DGLUCY: variants seen among roughly 807,000 people sequenced by gnomAD.
DGLUCY encodes D-glutamate cyclase.
In DGLUCY, 58 loss-of-function variants were observed where a neutral mutation model predicts 58.5. That is an observed-to-expected ratio of 0.99 (90% CI 0.80 to 1.23). DGLUCY has a LOEUF of 1.23. DGLUCY is among the 50% of genes most tolerant of loss of function. The pLI, the probability that DGLUCY is intolerant of heterozygous loss-of-function variation, is 0.00. For missense variants in DGLUCY, 779 were observed against 784.7 expected (o/e 0.99, Z 0.09); for synonymous variants, 325 against 314.1 (o/e 1.03, Z -0.37).
intron 1 of DGLUCY, among the ~76,000 whole-genome samples, chr14:91,074,102 A>AT (rs1482863344): frequency 1.3e-5 from 1 of 79,302 alleles, no homozygotes; most frequent in African/African-American, 4.4e-5. Flanking sequence ...CCAAAAAAAA[A>AT]AAATATATAT....
chr14:91,136,659 G>A (rs1168841742), intron 1 of DGLUCY, among the ~76,000 whole-genome samples: 2 of 150,866 alleles, frequency 1.3e-5, no homozygotes, highest in Non-Finnish European at 2.9e-5. Context: ...CTATAGCCTG[G>A]GTGACAGAGC....
At chr14:91,178,147 A>G (rs2048968585) in intron 7 of DGLUCY, among the ~76,000 whole-genome samples, 1 of 151,728 alleles carries the variant, frequency 6.6e-6, no homozygotes, top group South Asian at 2.1e-4. Context: ...AGAGAGGGAC[A>G]ATCTTGAATC....
chr14:91,173,255 C>T (rs2048671085), intron 5 of DGLUCY, 34 bp from the exon 6 acceptor site: 1 of 1,609,960 alleles, frequency 6.2e-7, no homozygotes, highest in Non-Finnish European at 8.5e-7. Context: ...CATTTTTTAA[C>T]ATTTTCACTT....
chr14:91,199,961 G>A, intron 11 of DGLUCY, 56 bp downstream of exon 11: 4 of 1,576,566 alleles, frequency 2.5e-6, no homozygotes, highest in Non-Finnish European at 3.5e-6. Flanking sequence ...AGTGTCTTTT[G>A]TTGTTGTTGT....
intron 7 of DGLUCY, among the ~76,000 whole-genome samples, chr14:91,179,675 C>T (rs567667823): frequency 1.3e-5 from 2 of 150,760 alleles, no homozygotes; most frequent in South Asian, 4.2e-4. Flanking sequence ...TTCTTGAACC[C>T]GGGAGGCAGA....
rs57428509 is a variant in DGLUCY at position 91,068,079 on chromosome 14, G to GCACACA, written c.-82+7407_-82+7412dup. On this transcript the variant is annotated intron_variant, in intron 1 of 4. Transcript: ENST00000521334. Reference sequence around the variant, plus strand: ...CGCGTGCACACACACACACGCGCACGCACACACACACACACACACACACAC... The same window carrying GCACACA: ...CGCGTGCACACACACACACGCGCACGCACACACACACACACACACACACACACACAC... Among the ~76,000 whole-genome samples, 1,455 of 146,376 alleles carry GCACACA rather than the reference G, an allele frequency of 9.9e-3. 21 individuals are homozygous for GCACACA. The highest frequency in any genetic ancestry group is 0.025 in the South Asian group (115 of 4,602).
intron 1 of DGLUCY, among the ~76,000 whole-genome samples, chr14:91,143,455 G>A (rs1394199741): frequency 6.6e-6 from 1 of 152,162 alleles, no homozygotes; most frequent in Non-Finnish European, 1.5e-5. Flanking sequence ...GGCTTGCTGA[G>A]CAGAGACAAG....
At chr14:91,114,914 C>G (rs1253390942) in intron 1 of DGLUCY, 1 of 152,314 alleles carries the variant, frequency 6.6e-6, no homozygotes, top group African/African-American at 2.4e-5. Context: ...CCTCTGGGAG[C>G]ATCAACACCA....
chr14:91,141,044 T>C (rs1328622152), intron 1 of DGLUCY, among the ~76,000 whole-genome samples: 1 of 152,116 alleles, frequency 6.6e-6, no homozygotes, highest in Non-Finnish European at 1.5e-5. Flanking sequence ...TGTCTGTTAT[T>C]TCTTGTAGGG....
At chr14:91,187,847 CTGTTTTTT>C (rs2049616997) in intron 8 of DGLUCY, among the ~76,000 whole-genome samples, 1 of 152,144 alleles carries the variant, frequency 6.6e-6, no homozygotes, top group South Asian at 2.1e-4. Context: ...CAATCCTTTA[CTGTTTTTT>C]TTTCCGCTTT....
At chr14:91,171,588 A>G (rs1945912227) in intron 5 of DGLUCY, among the ~76,000 whole-genome samples, 1 of 152,222 alleles carries the variant, frequency 6.6e-6, no homozygotes, top group African/African-American at 2.4e-5. Flanking sequence ...TTATGCAGAC[A>G]CTGCTGGCAG....
intron 11 of DGLUCY, among the ~76,000 whole-genome samples, chr14:91,201,085 A>G (rs1167387515): frequency 1.3e-5 from 2 of 152,148 alleles, no homozygotes; most frequent in Admixed American, 6.5e-5. Flanking sequence ...CACAAAGTAC[A>G]TTATGGCAAG....
Position 91,224,987 on chromosome 14 carries a change from C to A in DGLUCY, c.*154C>A. 1 of 856,090 alleles carries A rather than the reference C, an allele frequency of 1.2e-6. No individual in the cohort carries two copies. The highest frequency in any genetic ancestry group is 1.7e-6 in the Non-Finnish European group (1 of 594,254). The allele number at this position is 856,090 out of a possible 1,614,324, so 53.0% of individuals were successfully genotyped here. A position where few individuals can be genotyped will look rare whatever the true frequency, so the allele number is the denominator to read the frequency against. On this transcript the variant is annotated 3_prime_UTR_variant, in exon 14 of 14. Transcript: ENST00000256324. ...GCCTGGGAAACTGCATGCCCACTTT[C>A]TGGGAGGGGTTAGTGCAGGTGCTGT...
intron 12 of DGLUCY, among the ~76,000 whole-genome samples, chr14:91,210,181 G>T (rs983277255): frequency 9.9e-5 from 15 of 152,100 alleles, no homozygotes; most frequent in Non-Finnish European, 1.8e-4. Flanking sequence ...GAGGTGGGAG[G>T]ATCACTTGAG....
At chr14:91,220,938 G>A (rs1221879958) in intron 13 of DGLUCY, among the ~76,000 whole-genome samples, 2 of 152,228 alleles carry the variant, frequency 1.3e-5, no homozygotes, top group East Asian at 1.9e-4. Context: ...CTAAGGAAAC[G>A]TGGGGCTCAT....
intron 1 of DGLUCY, among the ~76,000 whole-genome samples, chr14:91,071,629 G>A (rs1269780850): frequency 6.6e-6 from 1 of 152,158 alleles, no homozygotes; most frequent in Non-Finnish European, 1.5e-5. Context: ...CAGCACTTTG[G>A]GAGGCCAAGG....
At chr14:91,109,107 C>T (rs1042706167), upstream of DGLUCY, among the ~76,000 whole-genome samples, 3 of 152,164 alleles carry the variant, frequency 2.0e-5, no homozygotes, top group Admixed American at 6.5e-5. Flanking sequence ...ATGCGGGCCT[C>T]GTGCCTCTTT....
At chr14:91,068,188 T>A (rs1307652579) in intron 1 of DGLUCY, among the ~76,000 whole-genome samples, 1 of 152,094 alleles carries the variant, frequency 6.6e-6, no homozygotes. Context: ...ACCTTACCTT[T>A]TGATGCACCA....
intron 1 of DGLUCY, among the ~76,000 whole-genome samples, chr14:91,080,733 G>A (rs563147762): frequency 2.1e-5 from 3 of 143,952 alleles, no homozygotes; most frequent in South Asian, 4.5e-4. Context: ...TCATATAAGA[G>A]AGCTTCAACT....
Sources: allele counts gnomAD v4.1 joint callset (sites outside exome capture counted in the v4.1 genomes callset), GRCh38; gene constraint gnomAD v4.1.1; transcripts MANE v1.5; gene names NCBI Gene and HGNC (gene_info 2026-07-23, HGNC 2026-07-21).